PHACTR1: variants seen among roughly 807,000 people sequenced by gnomAD.
PHACTR1 encodes the protein phosphatase and actin regulator 1.
A neutral mutation model predicts 69.2 loss-of-function variants in PHACTR1; 16 were observed. That is an observed-to-expected ratio of 0.23 (90% CI 0.16 to 0.35). PHACTR1 has a LOEUF of 0.35. Ranked by LOEUF, PHACTR1 falls within the 10% of genes least tolerant of loss-of-function variation. PHACTR1 has a pLI of 1.00. For synonymous variants in PHACTR1, 312 were observed against 284.5 expected (o/e 1.10, Z -0.97); for missense variants, 510 against 734.7 (o/e 0.69, Z 3.54).
intron 5 of PHACTR1, among the ~76,000 whole-genome samples, chr6:13,098,659 C>T (rs1814659235): frequency 6.6e-6 from 1 of 152,194 alleles, no homozygotes; most frequent in Admixed American, 6.5e-5. Context: ...CGTAAATGGC[C>T]TGACATCCAC....
intron 4 of PHACTR1, among the ~76,000 whole-genome samples, chr6:12,962,988 G>GCA (rs145415055): frequency 3.3e-5 from 5 of 151,542 alleles, no homozygotes; most frequent in African/African-American, 7.3e-5. Flanking sequence ...GCACATGCAT[G>GCA]CACACACACA....
intron 5 of PHACTR1, among the ~76,000 whole-genome samples, chr6:13,066,803 T>C (rs951208794): frequency 3.0e-4 from 46 of 152,178 alleles, no homozygotes; most frequent in African/African-American, 1.0e-3. Context: ...GGTTTCTTCC[T>C]ATGGTCTCTC....
rs372978714 is a variant in PHACTR1, at chr6:13,160,198, T to C, written c.416-6T>C. 1.9e-5 allele frequency: 30 copies of C among 1,613,320 alleles called. No homozygotes were observed. The African/African-American group carries it at 2.3e-4, about 12-fold the overall frequency. On this transcript the variant is annotated splice_region_variant and splice_polypyrimidine_tract_variant and intron_variant, in intron 5 of 14. Transcript: ENST00000332995. ...ATCTGCCTCCCTGTTTGTCTTTTGT[T>C]TGTAGCCCTGGAAAGGAAAATATCT...
At chr6:12,731,994 T>C (rs1370509390) in intron 3 of PHACTR1, among the ~76,000 whole-genome samples, 1 of 151,954 alleles carries the variant, frequency 6.6e-6, no homozygotes, top group Non-Finnish European at 1.5e-5. Context: ...TTTTTTTTAT[T>C]TGGGAAACTA....
intron 5 of PHACTR1, among the ~76,000 whole-genome samples, chr6:13,125,669 C>T (rs947463025): frequency 1.3e-5 from 2 of 152,112 alleles, no homozygotes; most frequent in African/African-American, 2.4e-5. Flanking sequence ...CAGCTCATGC[C>T]TGTAATCCTA....
chr6:13,087,632 T>C (rs1318932152), intron 5 of PHACTR1, among the ~76,000 whole-genome samples: 1 of 151,480 alleles, frequency 6.6e-6, no homozygotes, highest in Non-Finnish European at 1.5e-5. Flanking sequence ...ATTAGGAAAT[T>C]ACAAATAAAA....
intron 4 of PHACTR1, among the ~76,000 whole-genome samples, chr6:12,757,573 G>A (rs548811317): frequency 3.9e-5 from 6 of 152,212 alleles, no homozygotes; most frequent in African/African-American, 7.2e-5. Context: ...GCTCATCAGC[G>A]TGGTACAGCA....
At chr6:12,955,538 T>G (rs1791796569) in intron 4 of PHACTR1, among the ~76,000 whole-genome samples, 1 of 152,122 alleles carries the variant, frequency 6.6e-6, no homozygotes. Context: ...AATTTGAGAT[T>G]TGCAGTGCCA....
At chr6:12,785,091 T>G (rs1771378138) in intron 4 of PHACTR1, among the ~76,000 whole-genome samples, 1 of 147,948 alleles carries the variant, frequency 6.8e-6, no homozygotes. Context: ...TATATATTTA[T>G]ACACATACAT....
chr6:13,157,760 C>T (rs771751689), intron 5 of PHACTR1, among the ~76,000 whole-genome samples: 2 of 152,170 alleles, frequency 1.3e-5, no homozygotes, highest in African/African-American at 2.4e-5. Flanking sequence ...TCTTTATATT[C>T]GGATGGCTTT....
chr6:12,773,282 A>G (rs1206256401), intron 4 of PHACTR1, among the ~76,000 whole-genome samples: 1 of 152,192 alleles, frequency 6.6e-6, no homozygotes, highest in African/African-American at 2.4e-5. Context: ...TGGACACGCA[A>G]TAACTGAAGT....
At chr6:12,777,625 CT>C (rs869096915) in intron 4 of PHACTR1, among the ~76,000 whole-genome samples, 547 of 98,928 alleles carry the variant, frequency 5.5e-3, no homozygotes, top group African/African-American at 0.02. Context: ...CTTTCTTCTT[CT>C]TTTTTTTTTT....
intron 4 of PHACTR1, among the ~76,000 whole-genome samples, chr6:12,871,762 A>G (rs1782049077): frequency 6.6e-6 from 1 of 152,098 alleles, no homozygotes; most frequent in South Asian, 2.1e-4. Context: ...TCACCTAAAC[A>G]TTTTCACAGC....
intron 13 of PHACTR1, among the ~76,000 whole-genome samples, chr6:13,284,537 AAAAAAAATATATATAT>A (rs1274049220): frequency 1.2e-5 from 1 of 83,318 alleles, no homozygotes; most frequent in African/African-American, 5.9e-5. Flanking sequence ...AAAAAAAAAA[AAAAAAAATATATATAT>A]ATATATATAT....
At chr6:13,271,347 G>A (rs1330193162) in intron 10 of PHACTR1, among the ~76,000 whole-genome samples, 1 of 152,126 alleles carries the variant, frequency 6.6e-6, no homozygotes, top group African/African-American at 2.4e-5. Flanking sequence ...TGAGATTTGG[G>A]CAGCGACAAA....
At chr6:12,888,240 C>CCCCTTTTG (rs1459199142) in intron 4 of PHACTR1, among the ~76,000 whole-genome samples, 2 of 152,054 alleles carry the variant, frequency 1.3e-5, no homozygotes, top group Non-Finnish European at 2.9e-5. Context: ...GTTCATTCAT[C>CCCCTTTTG]CCCTTTTGCC....
intron 3 of PHACTR1, among the ~76,000 whole-genome samples, chr6:12,742,477 C>T (rs1206401296): frequency 2.0e-5 from 3 of 152,114 alleles, no homozygotes; most frequent in South Asian, 4.1e-4. Context: ...GACTTCTTTA[C>T]CACAACCTGT....
Position 13,238,791 on chromosome 6 carries a change from G to A in PHACTR1, c.1391+8598G>A, listed in dbSNP as rs142042471. Among the ~76,000 whole-genome samples, 352 of 152,230 alleles carry A rather than the reference G, an allele frequency of 2.3e-3. 1 individual carries two copies. Among genetic ancestry groups the A allele is most frequent in the African/African-American group, 8.0e-3 (331 of 41,536 alleles). On this transcript the variant is annotated intron_variant, in intron 10 of 14. Coordinates refer to ENST00000332995, the MANE Select transcript of PHACTR1 (RefSeq NM_030948.6). ...GTGAGCTGGCATCTCCCCTGGCTAG[G>A]TAATTTCTTCTGCTGCAGAAACACT...
chr6:12,812,607 G>A (rs1775144260), intron 4 of PHACTR1, among the ~76,000 whole-genome samples: 1 of 152,208 alleles, frequency 6.6e-6, no homozygotes, highest in South Asian at 2.1e-4. Context: ...CTCTCAGAAA[G>A]CTCGTGAACG....
Sources: allele counts gnomAD v4.1 joint callset (sites outside exome capture counted in the v4.1 genomes callset), GRCh38; gene constraint gnomAD v4.1.1; transcripts MANE v1.5; gene names NCBI Gene and HGNC (gene_info 2026-07-23, HGNC 2026-07-21).